Variants in OIP5 observed in about 807,000 individuals in gnomAD.
The protein encoded by OIP5 is Opa interacting protein 5.
In OIP5, 24 loss-of-function variants were observed where a neutral mutation model predicts 20.3. The ratio of observed to expected loss-of-function variants is 1.18; its 90% confidence interval spans 0.86 to 1.66. The LOEUF (loss-of-function observed/expected upper bound fraction) is 1.66, where lower values mean the gene tolerates loss of function less well. OIP5 is among the 40% of genes most tolerant of loss of function. The pLI, the probability that OIP5 is intolerant of heterozygous loss-of-function variation, is 0.00. For missense variants in OIP5, 339 were observed against 289.5 expected, an observed-to-expected ratio of 1.17 and a Z score of -1.24; for synonymous variants, 143 against 121.3, an observed-to-expected ratio of 1.18 and a Z score of -1.17.
chr15:41,328,698 A>C (rs1470604917), intron 2 of OIP5, among the ~76,000 whole-genome samples: 3 of 152,106 alleles, frequency 2.0e-5, no homozygotes, highest in Non-Finnish European at 4.4e-5. Context: ...TGTCGGAGGG[A>C]GTATATTTTA....
At chr15:41,325,836 C>A (rs1486505728) in intron 2 of OIP5, among the ~76,000 whole-genome samples, 2 of 118,956 alleles carry the variant, frequency 1.7e-5, no homozygotes, top group African/African-American at 6.8e-5. Context: ...GGCAACAGAG[C>A]AAGACTCCGT....
chr15:41,322,787 T>C (rs2047838434), intron 2 of OIP5, among the ~76,000 whole-genome samples: 1 of 151,974 alleles, frequency 6.6e-6, no homozygotes, highest in Non-Finnish European at 1.5e-5. Flanking sequence ...ATAAAAAAAT[T>C]AGCCAGGCCT....
At position 41,309,790 on chromosome 15, in the gene OIP5, A is replaced by G. The variant is rs959794488; in HGVS notation, c.654T>C (p.Ser218=). 37 of 1,614,034 alleles carry G rather than the reference A, an allele frequency of 2.3e-5. No homozygotes were observed. Among genetic ancestry groups the G allele is most frequent in the Non-Finnish European group, 3.1e-5 (37 of 1,179,902 alleles). ...NRLKSLMKIL[S]EVTPDQSKPE... ...GCTTGGACTGGTCAGGAGTCACTTC[A>G]CTCAGAATCTTCATTAGTGATTTTA... The change falls in exon 5 of 5, where the codon AGT becomes AGC. Residue 218 remains serine (S), a synonymous_variant. Transcript: ENST00000220514.
chr15:41,311,273 C>T (rs1372029401), intron 4 of OIP5, among the ~76,000 whole-genome samples: 1 of 152,104 alleles, frequency 6.6e-6, no homozygotes, highest in African/African-American at 2.4e-5. Context: ...CCCAGGTACT[C>T]AGGAGGCTTT....
intron 3 of OIP5, 40 bp from the exon 4 acceptor site, chr15:41,313,394 G>T: frequency 8.8e-7 from 1 of 1,138,064 alleles, no homozygotes; most frequent in Non-Finnish European, 1.3e-6. Context: ...TCATACCATG[G>T]TTAAGATTAT....
At chr15:41,324,661 G>A (rs1470176836) in intron 2 of OIP5, among the ~76,000 whole-genome samples, 1 of 151,926 alleles carries the variant, frequency 6.6e-6, no homozygotes, top group Non-Finnish European at 1.5e-5. Flanking sequence ...GGCTAATTTT[G>A]TATTTTTAGT....
At chr15:41,318,611 G>T (rs2047803183) in intron 3 of OIP5, among the ~76,000 whole-genome samples, 1 of 151,994 alleles carries the variant, frequency 6.6e-6, no homozygotes, top group Non-Finnish European at 1.5e-5. Context: ...TTTCTTTAAT[G>T]AAAGAATACC....
chr15:41,313,381 G>C, intron 3 of OIP5, 27 bp from the exon 4 acceptor site: 1 of 1,233,846 alleles, frequency 8.1e-7, no homozygotes, highest in Non-Finnish European at 1.2e-6. Context: ...AAAAATATTA[G>C]TGTCATACCA....
At position 41,309,556 on chromosome 15, in the gene OIP5, A is replaced by G; in HGVS notation, c.*198T>C. The G allele has an allele frequency of 2.2e-6, 1 of 453,712 alleles. No homozygotes were observed. Among genetic ancestry groups the G allele is most frequent in the East Asian group, 3.7e-5 (1 of 27,220 alleles). The allele number at this position is 453,712 out of a possible 1,614,324, so 28.1% of individuals were successfully genotyped here. A position where few individuals can be genotyped will look rare whatever the true frequency, so the allele number is the denominator to read the frequency against. On this transcript the variant is annotated 3_prime_UTR_variant, in exon 5 of 5. Transcript: ENST00000220514. ...AAGTAAGTTCTTAAGGCAAATAGCTATAAAAGAGAAGAATCCTTAGTCTCT... is the reference window on the plus strand; with the variant it reads ...AAGTAAGTTCTTAAGGCAAATAGCTGTAAAAGAGAAGAATCCTTAGTCTCT...
chr15:41,318,068 AGAG>A (rs1335511264), intron 3 of OIP5, among the ~76,000 whole-genome samples: 1 of 152,222 alleles, frequency 6.6e-6, no homozygotes, highest in African/African-American at 2.4e-5. Flanking sequence ...CCCACCTATT[AGAG>A]GGAGAGAGAG....
intron 1 of OIP5, 128 bp downstream of exon 1, chr15:41,332,112 A>C (rs2047929867): frequency 7.5e-7 from 1 of 1,337,184 alleles, no homozygotes; most frequent in African/African-American, 1.5e-5. Context: ...CCCCAGGCCA[A>C]GGAGTTATTT....
rs549450086 is a variant in OIP5, at chr15:41,320,722, G to A, written c.390-942C>T. On this transcript the variant is annotated intron_variant, in intron 2 of 4. Transcript: ENST00000220514. ...GCCGCCACCCCGTCTGGGAAGTGAG[G>A]AGCGTCTCTGCCTGGCCACCCATCG... Among the ~76,000 whole-genome samples the A allele has an allele frequency of 5.9e-5, 9 of 152,256 alleles. No homozygotes were observed. The East Asian group carries it at 1.4e-3, about 23-fold the overall frequency.
At chr15:41,315,206 G>A (rs1302111486) in intron 3 of OIP5, among the ~76,000 whole-genome samples, 1 of 151,912 alleles carries the variant, frequency 6.6e-6, no homozygotes. Flanking sequence ...GAGGCGGGGG[G>A]ATCACCTGAG....
intron 2 of OIP5, among the ~76,000 whole-genome samples, chr15:41,325,988 CCT>C (rs1362213937): frequency 1.3e-5 from 2 of 152,094 alleles, no homozygotes; most frequent in African/African-American, 2.4e-5. Flanking sequence ...ATGGCAAAAC[CCT>C]GTCTCTACTG....
At chr15:41,330,245 A>T (rs1045424120) in intron 2 of OIP5, among the ~76,000 whole-genome samples, 1 of 151,394 alleles carries the variant, frequency 6.6e-6, no homozygotes, top group Non-Finnish European at 1.5e-5. Flanking sequence ...GATTACAGGC[A>T]TGTGCCACCA....
At chr15:41,329,313 G>GTTTT (rs760717935) in intron 2 of OIP5, among the ~76,000 whole-genome samples, 10 of 121,280 alleles carry the variant, frequency 8.2e-5, no homozygotes, top group Non-Finnish European at 1.4e-4. Flanking sequence ...TTTCCCTCTA[G>GTTTT]TTTTTTTTTT....
chr15:41,325,129 T>G (rs1009982867), intron 2 of OIP5, among the ~76,000 whole-genome samples: 1 of 152,084 alleles, frequency 6.6e-6, no homozygotes, highest in Non-Finnish European at 1.5e-5. Flanking sequence ...CTGCCAGAAT[T>G]GGCCGGGCGC....
At position 41,332,461 on chromosome 15, in the gene OIP5, G is replaced by A; in HGVS notation, c.101C>T (p.Thr34Met). 1.2e-6 allele frequency: 2 copies of A among 1,614,094 alleles called. No individual in the cohort carries two copies. The highest frequency in any genetic ancestry group is 1.6e-4 in the Middle Eastern group (1 of 6,062). Residue 34 changes from threonine (T) to methionine (M), a missense_variant, in exon 1 of 5, where the codon ACG becomes ATG. By Grantham distance (81) the Thr-to-Met change is moderately conservative. Transcript: ENST00000220514. ...CTGCGTATCCCACTCCATGGAGGTC[G>A]TAAAAGAAGCTTGGTCAATCGCCCT... ...TERAIDQASF[T>M]TSMEWDTQVV...
At chr15:41,328,784 G>C (rs762986558) in intron 2 of OIP5, among the ~76,000 whole-genome samples, 3 of 152,098 alleles carry the variant, frequency 2.0e-5, no homozygotes, top group Non-Finnish European at 1.5e-5. Flanking sequence ...TTAAGGCCTG[G>C]TGCGGTGGCT....
Sources: allele counts gnomAD v4.1 joint callset (sites outside exome capture counted in the v4.1 genomes callset), GRCh38; gene constraint gnomAD v4.1.1; transcripts MANE v1.5; gene names NCBI Gene and HGNC (gene_info 2026-07-23, HGNC 2026-07-21).